Variants in CD4 observed in about 807,000 individuals in gnomAD.
The protein encoded by CD4 is CD4 molecule, also known as T-cell surface glycoprotein CD4.
CD4 carries 25 observed loss-of-function variants against 50.5 expected under a neutral mutation model. The ratio of observed to expected loss-of-function variants is 0.49; its 90% CI spans 0.36 to 0.69. CD4 has a LOEUF of 0.69. CD4 is among the 30% of genes least tolerant of loss of function. The pLI is 0.00. For synonymous variants in CD4, 207 were observed against 221.9 expected (o/e 0.93, Z 0.60); for missense variants, 456 against 548.5 (o/e 0.83, Z 1.68).
chr12:6,804,908 C>G (rs1258714210), intron 3 of CD4, among the ~76,000 whole-genome samples: 1 of 150,856 alleles, frequency 6.6e-6, no homozygotes, highest in Non-Finnish European at 1.5e-5. Context: ...CCCAGCTACT[C>G]GGGAAGCTGA....
chr12:6,800,641 A>G (rs1356224451), intron 3 of CD4, among the ~76,000 whole-genome samples, 170 bp downstream of exon 3: 1 of 152,216 alleles, frequency 6.6e-6, no homozygotes, highest in Non-Finnish European at 1.5e-5. Context: ...CTGGTGGCCC[A>G]GGGAAAGGTG....
chr12:6,797,510 C>T (rs1942406941), intron 1 of CD4, among the ~76,000 whole-genome samples: 1 of 152,086 alleles, frequency 6.6e-6, no homozygotes, highest in South Asian at 2.1e-4. Context: ...TAAAAGTGGG[C>T]CCAGGGGACC....
At chr12:6,797,813 G>A (rs1942416547) in intron 1 of CD4, among the ~76,000 whole-genome samples, 1 of 152,170 alleles carries the variant, frequency 6.6e-6, no homozygotes, top group Non-Finnish European at 1.5e-5. Flanking sequence ...CCAGACATAA[G>A]GCAGTTTTCT....
chr12:6,799,858 C>T (rs1305494280), intron 1 of CD4, among the ~76,000 whole-genome samples: 1 of 152,126 alleles, frequency 6.6e-6, no homozygotes, highest in Non-Finnish European at 1.5e-5. Flanking sequence ...TCCTTATTCA[C>T]TTATTTATCT....
At chr12:6,795,138 A>ATCT (rs1555114240) in intron 1 of CD4, among the ~76,000 whole-genome samples, 5 of 132,186 alleles carry the variant, frequency 3.8e-5, no homozygotes, top group Non-Finnish European at 6.7e-5. Context: ...CTATCTATCT[A>ATCT]ATCTATCTTT....
intron 3 of CD4, among the ~76,000 whole-genome samples, chr12:6,810,091 T>C (rs1942892393): frequency 6.6e-6 from 1 of 152,074 alleles, no homozygotes; most frequent in Non-Finnish European, 1.5e-5. Context: ...GGTTTCACCA[T>C]GTTGGCCAGG....
At chr12:6,802,319 C>CTT (rs575781462) in intron 3 of CD4, among the ~76,000 whole-genome samples, 11 of 141,036 alleles carry the variant, frequency 7.8e-5, no homozygotes, top group East Asian at 2.1e-4. Flanking sequence ...TTCTTCCAAT[C>CTT]TTTTTTTTTT....
At chr12:6,806,353 G>A (rs782700493) in intron 3 of CD4, among the ~76,000 whole-genome samples, 1 of 146,070 alleles carries the variant, frequency 6.8e-6, no homozygotes, top group Admixed American at 7.0e-5. Flanking sequence ...CACCCAGGCT[G>A]GGTGCACCTG....
chr12:6,809,714 A>G, intron 3 of CD4, among the ~76,000 whole-genome samples: 1 of 151,968 alleles, frequency 6.6e-6, no homozygotes, highest in East Asian at 1.9e-4. Flanking sequence ...CCATTAGACT[A>G]AGCCTAGAAG....
intron 3 of CD4, among the ~76,000 whole-genome samples, chr12:6,813,046 A>ATG (rs1942984602): frequency 2.6e-5 from 4 of 151,876 alleles, no homozygotes; most frequent in African/African-American, 9.7e-5. Flanking sequence ...AGCTGGGGCT[A>ATG]CTGGCATGCA....
rs1478747499 is a variant in CD4 at position 6,814,583 on chromosome 12, G to A, written c.374-176G>A. On this transcript the variant is annotated intron_variant, in intron 4 of 9. Coordinates refer to ENST00000011653, the MANE Select transcript of CD4 (RefSeq NM_000616.5). ...GAGAGGATGAGGGGAGAGGAGGAAA[G>A]AAGAGAGAGAGGAGGGGAGAGGGAA... is the stretch of plus-strand genomic sequence containing the variant. 5 of 708,204 alleles carry A rather than the reference G, an allele frequency of 7.1e-6. No homozygotes were observed. In the African/African-American group the frequency reaches 9.0e-5, roughly 13 times the overall value. 43.9% of individuals were successfully genotyped at this position (708,204 alleles called of 1,614,324 possible).
At chr12:6,804,380 A>G (rs2886398) in intron 3 of CD4, among the ~76,000 whole-genome samples, 134,365 of 152,120 alleles carry the variant, frequency 0.88, 60,274 homozygotes, top group Non-Finnish European at 0.97. Context: ...GATCAGAAAG[A>G]AAGAAATAAA....
At position 6,816,369 on chromosome 12, in the gene CD4, G is replaced by A; in HGVS notation, c.921G>A (p.Lys307=). The stretch of plus-strand genomic sequence containing the variant: ...TGGCCCTTGAAGCGAAAACAGGAAA[G>A]TTGCATCAGGAAGTGAACCTGGTGG... ...LTLALEAKTG[K]LHQEVNLVVM... is the part of the protein sequence containing the mutation. Residue 307 remains lysine (K), a synonymous_variant, in exon 6 of 10, where the codon AAG becomes AAA. Coordinates refer to ENST00000011653, the MANE Select transcript of CD4 (RefSeq NM_000616.5). The surrounding 1 kb of genome is among the most constrained non-coding windows in gnomAD (Gnocchi z 4.9). 1 of 1,614,180 alleles carries A rather than the reference G, an allele frequency of 6.2e-7. No individual in the cohort carries two copies. Among genetic ancestry groups the A allele is most frequent in the Non-Finnish European group, 8.5e-7 (1 of 1,179,996 alleles).
In CD4 at chr12:6,797,520, C is replaced by T. The variant is rs147916202; in HGVS notation, c.-67-2552C>T. ...AGGAATAAAAGTGGGCCCAGGGGAC[C>T]GGCGCTCAGCAAGTGAGGACCTGCA... On this transcript the variant is annotated intron_variant, in intron 1 of 9. Coordinates refer to ENST00000011653, the MANE Select transcript of CD4 (RefSeq NM_000616.5). Among the ~76,000 whole-genome samples the T allele has an allele frequency of 2.4e-3, 372 of 152,144 alleles. 3 individuals are homozygous for T. Among genetic ancestry groups the T allele is most frequent in the African/African-American group, 8.3e-3 (346 of 41,498 alleles).
intron 1 of CD4, chr12:6,798,875 T>C (rs1555114748): frequency 2.6e-5 from 4 of 152,272 alleles, no homozygotes; most frequent in African/African-American, 9.7e-5. Flanking sequence ...TCTTCTTCTC[T>C]ATAGAAAATC....
intron 3 of CD4, among the ~76,000 whole-genome samples, chr12:6,801,584 A>G (rs1555115275): frequency 6.6e-6 from 1 of 150,772 alleles, no homozygotes; most frequent in African/African-American, 2.4e-5. Flanking sequence ...TTTTTGAGAC[A>G]GAGTCTCGTT....
intron 9 of CD4, 121 bp downstream of exon 9, chr12:6,819,035 TGAG>T (rs1416050756): frequency 6.3e-6 from 4 of 633,008 alleles, no homozygotes; most frequent in Admixed American, 2.6e-5. Flanking sequence ...AGGAAGGAGT[TGAG>T]GAGGAAGAGC....
chr12:6,793,697 TATCTA>T (rs1230701861), intron 1 of CD4, among the ~76,000 whole-genome samples: 1,000 of 57,116 alleles, frequency 0.018, 18 homozygotes, highest in African/African-American at 0.061. Flanking sequence ...TCTATCTATC[TATCTA>T]TCTTTTTTTT....
At chr12:6,803,097 C>T (rs1023968102) in intron 3 of CD4, among the ~76,000 whole-genome samples, 1 of 152,020 alleles carries the variant, frequency 6.6e-6, no homozygotes, top group Non-Finnish European at 1.5e-5. Context: ...ACCCTTGGAC[C>T]TAATAATAGC....
Sources: gnomAD v4.1 joint callset for allele counts (sites outside exome capture counted in the v4.1 genomes callset) on GRCh38, gnomAD v4.1.1 for gene constraint, Gnocchi (gnomAD v3.1) non-coding constraint, MANE v1.5 for transcripts, NCBI Gene and HGNC (gene_info 2026-07-23, HGNC 2026-07-21) for gene names.